LSM12: variants seen among roughly 807,000 people sequenced by gnomAD.
The protein encoded by LSM12 is LSM12 homolog, also known as protein LSM12.
For synonymous variants in LSM12, 74 were observed against 87.3 expected (o/e 0.85, Z 0.85); for missense variants, 108 against 238.9 (o/e 0.45, Z 3.61).
chr17:44,057,422 A>G (rs1359865538), intron 2 of LSM12, among the ~76,000 whole-genome samples: 1 of 150,262 alleles, frequency 6.7e-6, no homozygotes, highest in African/African-American at 2.4e-5. Context: ...TGCTAGGACT[A>G]CAGGCGTGAG....
At chr17:44,064,014 G>A (rs2049834851) in intron 1 of LSM12, 80 bp from the exon 2 acceptor site, 12 of 1,505,152 alleles carry the variant, frequency 8.0e-6, no homozygotes, top group South Asian at 2.5e-5. Context: ...TAGAAAACAC[G>A]ATTCACACAA....
Position 44,066,631 on chromosome 17 carries a change from G to A in LSM12, c.-44C>T, listed in dbSNP as rs1457204436. 2 of 1,306,408 alleles carry A rather than the reference G, an allele frequency of 1.5e-6. No homozygotes were observed. The highest frequency in any genetic ancestry group is 4.2e-5 in the Admixed American group (1 of 23,862). 80.9% of individuals were successfully genotyped at this position (1,306,408 alleles called of 1,614,324 possible). On this transcript the variant is annotated 5_prime_UTR_variant, in exon 1 of 5. Transcript: ENST00000293406. ...GCCGGCGGCGGCGGCGGCAGCAGCG[G>A]GCGAAAGCCGGGCCCCCAGTGAGCG...
intron 2 of LSM12, among the ~76,000 whole-genome samples, chr17:44,057,855 A>G (rs2049738913): frequency 6.6e-6 from 1 of 152,076 alleles, no homozygotes; most frequent in Admixed American, 6.6e-5. Flanking sequence ...GTGTAATGGC[A>G]TAAATCTTCT....
At chr17:44,066,726 G>A, upstream of LSM12, 1 of 1,125,264 alleles carries the variant, frequency 8.9e-7, no homozygotes, top group Non-Finnish European at 1.1e-6. Context: ...GCTGGTTGGG[G>A]CGGGATCCTA....
chr17:44,065,977 C>T (rs2049868629), intron 1 of LSM12, among the ~76,000 whole-genome samples: 1 of 152,054 alleles, frequency 6.6e-6, no homozygotes, highest in African/African-American at 2.4e-5. Flanking sequence ...AATTTGGTCA[C>T]CATCCCACCG....
chr17:44,044,188 G>C (rs538669010), intron 2 of LSM12, among the ~76,000 whole-genome samples: 1 of 152,242 alleles, frequency 6.6e-6, no homozygotes, highest in South Asian at 2.1e-4. Context: ...AATTAAGCTA[G>C]AGAAGGGGAG....
chr17:44,059,015 A>C (rs899000086), intron 2 of LSM12, among the ~76,000 whole-genome samples: 17 of 152,170 alleles, frequency 1.1e-4, no homozygotes, highest in African/African-American at 3.9e-4. Flanking sequence ...GAAACAAAAC[A>C]ACCACCCAGG....
At chr17:44,055,737 T>C (rs2049705102) in intron 2 of LSM12, among the ~76,000 whole-genome samples, 1 of 143,862 alleles carries the variant, frequency 7.0e-6, no homozygotes. Context: ...ATATTATATA[T>C]ATAATATATG....
chr17:44,040,716 T>C (rs530196284), intron 2 of LSM12, among the ~76,000 whole-genome samples: 3 of 151,922 alleles, frequency 2.0e-5, no homozygotes, highest in African/African-American at 7.2e-5. Context: ...GGCTCATGCC[T>C]GTAATCCCAG....
intron 2 of LSM12, among the ~76,000 whole-genome samples, chr17:44,040,656 A>G (rs113683097): frequency 6.6e-6 from 1 of 152,162 alleles, no homozygotes; most frequent in African/African-American, 2.4e-5. Context: ...ATGTGATGGC[A>G]AATGATGGTC....
intron 2 of LSM12, among the ~76,000 whole-genome samples, chr17:44,058,704 C>T (rs184098215): frequency 2.6e-4 from 39 of 152,210 alleles, no homozygotes; most frequent in African/African-American, 7.7e-4. Context: ...TGGTGGCGCA[C>T]GCCTGTAATC....
At chr17:44,046,974 C>G (rs2049577654) in intron 2 of LSM12, among the ~76,000 whole-genome samples, 1 of 151,872 alleles carries the variant, frequency 6.6e-6, no homozygotes, top group East Asian at 2.0e-4. Context: ...TCGTGATCCA[C>G]CCGCCTCGAC....
At chr17:44,054,138 T>C (rs1000162475) in intron 2 of LSM12, among the ~76,000 whole-genome samples, 2 of 152,160 alleles carry the variant, frequency 1.3e-5, no homozygotes, top group African/African-American at 4.8e-5. Context: ...AAGGTCCCCT[T>C]GGGAACTAAA....
intron 2 of LSM12, among the ~76,000 whole-genome samples, chr17:44,061,455 A>G (rs2049794903): frequency 6.6e-6 from 1 of 152,218 alleles, no homozygotes; most frequent in Non-Finnish European, 1.5e-5. Flanking sequence ...AAAACCTATA[A>G]GCTTCAAAGA....
chr17:44,048,018 AACACACACACACACACACACAC>A (rs57164806), intron 2 of LSM12, among the ~76,000 whole-genome samples: 3 of 137,484 alleles, frequency 2.2e-5, no homozygotes, highest in African/African-American at 2.7e-5. Flanking sequence ...GTCCGTATTA[AACACACACACACACACACACAC>A]ACACACACAC....
At chr17:44,040,763 A>G (rs2049477008) in intron 2 of LSM12, among the ~76,000 whole-genome samples, 1 of 151,508 alleles carries the variant, frequency 6.6e-6, no homozygotes, top group Admixed American at 6.6e-5. Context: ...TCACGAGGTC[A>G]GGAGGTCAAG....
rs71160079 is a variant in LSM12 at position 44,035,677 on chromosome 17, CAAAAAAAAAAA to C, written c.*520_*530del. ...AAACTAATTCAAGCCATGCCCTGTG[CAAAAAAAAAAA>C]AAAAAAGAAAAAAGAAAAAAAAAGG... On this transcript the variant is annotated 3_prime_UTR_variant, in exon 5 of 5. Transcript: ENST00000293406. The C allele has an allele frequency of 1.7e-5, 1 of 58,070 alleles. No individual in the cohort carries two copies. Among genetic ancestry groups the C allele is most frequent in the Non-Finnish European group, 3.1e-5 (1 of 32,286 alleles). 3.6% of individuals were successfully genotyped at this position (58,070 alleles called of 1,614,324 possible). A position where few individuals can be genotyped will look rare whatever the true frequency, so the allele number is the denominator to read the frequency against.
At chr17:44,063,412 A>T (rs1045627448) in intron 2 of LSM12, among the ~76,000 whole-genome samples, 2 of 152,192 alleles carry the variant, frequency 1.3e-5, no homozygotes, top group Non-Finnish European at 2.9e-5. Flanking sequence ...TCTGAAAAAC[A>T]CTTTAGATCT....
chr17:44,066,612 G>C lies in LSM12; in HGVS notation c.-25C>G, dbSNP rs966299499. 7.5e-7 allele frequency: 1 copy of C among 1,326,672 alleles called. No homozygotes were observed. Among genetic ancestry groups the C allele is most frequent in the Non-Finnish European group, 9.7e-7 (1 of 1,034,816 alleles). The allele number at this position is 1,326,672 out of a possible 1,614,324, so 82.2% of individuals were successfully genotyped here. On this transcript the variant is annotated 5_prime_UTR_variant, in exon 1 of 5. Transcript: ENST00000293406. ...TCTTGGGAGTGCAGCCGCGGCCGGC[G>C]GCGGCGGCGGCAGCAGCGGGCGAAA...
Sources: gnomAD v4.1 joint callset for allele counts (sites outside exome capture counted in the v4.1 genomes callset) on GRCh38, gnomAD v4.1.1 for gene constraint, MANE v1.5 for transcripts, NCBI Gene and HGNC (gene_info 2026-07-23, HGNC 2026-07-21) for gene names.